Variants in GNA14 observed in about 807,000 individuals in gnomAD.
GNA14 encodes the protein guanine nucleotide-binding protein subunit alpha-14.
GNA14 carries 50 observed loss-of-function variants against 42.0 expected under a neutral mutation model. The ratio of observed to expected loss-of-function variants is 1.19; its 90% CI spans 0.95 to 1.51. The LOEUF is 1.51. Among genes scored for constraint, GNA14 ranks in the 40% most tolerant of loss-of-function variants. The pLI is 0.00. For synonymous variants in GNA14, 173 were observed against 163.1 expected, an observed-to-expected ratio of 1.06 and a Z score of -0.46; for missense variants, 473 against 446.2, an observed-to-expected ratio of 1.06 and a Z score of -0.54.
At position 77,458,904 on chromosome 9, in the gene GNA14, A is replaced by AGGG. The variant is rs138020529; in HGVS notation, c.310-24385_310-24383dup. The stretch of plus-strand genomic sequence containing the variant: ...CTAAGCTCCTTTTATCACAAGCTGG[A>AGGG]GGGGGGGGGGTTGTCCTCTTCTCCC... On this transcript the variant is annotated intron_variant, in intron 2 of 6. Coordinates refer to ENST00000341700, the MANE Select transcript of GNA14 (RefSeq NM_004297.4). Among the ~76,000 whole-genome samples the AGGG allele has an allele frequency of 3.5e-3, 474 of 134,446 alleles. 3 individuals are homozygous for AGGG. Among genetic ancestry groups the AGGG allele is most frequent in the African/African-American group, 0.01 (371 of 36,762 alleles). 88.2% of individuals were successfully genotyped at this position (134,446 alleles called of 152,430 possible).
chr9:77,544,671 C>CA (rs397959672), intron 1 of GNA14, among the ~76,000 whole-genome samples: 8,110 of 57,822 alleles, frequency 0.14, 901 homozygotes, highest in African/African-American at 0.35. Context: ...CACTGCATCT[C>CA]AAAAAAAAAA....
At chr9:77,427,339 AAT>A (rs1239843509) in intron 5 of GNA14, among the ~76,000 whole-genome samples, 5 of 145,876 alleles carry the variant, frequency 3.4e-5, no homozygotes, top group African/African-American at 1.0e-4. Flanking sequence ...AAAAAAAAAA[AAT>A]CTCCAACTGA....
At chr9:77,620,282 T>C (rs1302966278) in intron 1 of GNA14, among the ~76,000 whole-genome samples, 8 of 152,218 alleles carry the variant, frequency 5.3e-5, no homozygotes, top group Admixed American at 1.3e-4. Flanking sequence ...AAGGTCACCA[T>C]GCACATTAGA....
At chr9:77,532,253 C>A (rs1837540260) in intron 1 of GNA14, among the ~76,000 whole-genome samples, 3 of 152,170 alleles carry the variant, frequency 2.0e-5, no homozygotes, top group African/African-American at 7.2e-5. Flanking sequence ...CAGGATAGCA[C>A]CCCTAGTTAT....
rs750607381 is a variant in GNA14 at position 77,424,171 on chromosome 9, T to C, written c.878-2A>G. ...CAGCTCTGACATCCTGTTTCGGTCC[T>C]AGTCACAAGTGCAATTACAGGAATA... On this transcript the variant is annotated splice_acceptor_variant, in intron 6 of 6. Transcript: ENST00000341700. LOFTEE classifies it high-confidence loss of function. The C allele has an allele frequency of 1.3e-6, 2 of 1,597,656 alleles. No individual in the cohort carries two copies. Among genetic ancestry groups the C allele is most frequent in the Non-Finnish European group, 1.7e-6 (2 of 1,169,732 alleles).
At chr9:77,642,284 C>T (rs1329671585) in intron 1 of GNA14, among the ~76,000 whole-genome samples, 4 of 152,108 alleles carry the variant, frequency 2.6e-5, no homozygotes, top group Non-Finnish European at 5.9e-5. Context: ...CTTGAAAGGC[C>T]TCAGGAACTG....
intron 2 of GNA14, among the ~76,000 whole-genome samples, chr9:77,457,836 C>T (rs900836595): frequency 6.6e-5 from 10 of 152,114 alleles, no homozygotes; most frequent in African/African-American, 2.4e-4. Context: ...AAAAGGTCCT[C>T]CTTGGCTCAC....
Position 77,647,718 on chromosome 9 carries a change from G to T in GNA14, c.76C>A (p.Arg26Ser). The T allele has an allele frequency of 1.9e-6, 3 of 1,610,288 alleles. No individual in the cohort carries two copies. The highest frequency in any genetic ancestry group is 2.5e-6 in the Non-Finnish European group (3 of 1,178,664). ...RISAEIERQLRRDKKDARREL... is the reference protein window; with the variant it reads ...RISAEIERQLSRDKKDARREL... ...CGGCGCGCGTCCTTCTTGTCCCGACGAAGCTGTCGCTCGATCTCCGCGCTG... is the reference window on the plus strand; with the variant it reads ...CGGCGCGCGTCCTTCTTGTCCCGACTAAGCTGTCGCTCGATCTCCGCGCTG... The change falls in exon 1 of 7, where the codon CGT (arginine) becomes AGT (serine). Residue 26 changes from arginine to serine, a missense_variant. Transcript: ENST00000341700.
At chr9:77,636,066 T>C (rs1238559005) in intron 1 of GNA14, among the ~76,000 whole-genome samples, 2 of 152,236 alleles carry the variant, frequency 1.3e-5, no homozygotes, top group Admixed American at 6.5e-5. Context: ...AGACTACTAA[T>C]GGCTTACCAC....
At chr9:77,640,181 T>C (rs1485414606) in intron 1 of GNA14, among the ~76,000 whole-genome samples, 2 of 152,134 alleles carry the variant, frequency 1.3e-5, no homozygotes, top group Non-Finnish European at 2.9e-5. Context: ...GTGCCTTGAG[T>C]CCCCTAACCC....
intron 1 of GNA14, among the ~76,000 whole-genome samples, chr9:77,553,274 G>T (rs1205576704): frequency 6.6e-6 from 1 of 152,098 alleles, no homozygotes; most frequent in African/African-American, 2.4e-5. Flanking sequence ...AGAGAGTAAG[G>T]GAAGGAATGT....
At chr9:77,557,323 C>A (rs1822800570) in intron 1 of GNA14, among the ~76,000 whole-genome samples, 1 of 152,178 alleles carries the variant, frequency 6.6e-6, no homozygotes, top group Admixed American at 6.5e-5. Context: ...TTGCCAGAGC[C>A]AGACACATAT....
intron 1 of GNA14, among the ~76,000 whole-genome samples, chr9:77,635,664 G>A (rs1824173167): frequency 1.3e-5 from 2 of 152,138 alleles, no homozygotes; most frequent in African/African-American, 4.8e-5. Flanking sequence ...GCATTGATGT[G>A]TATATTTACT....
intron 1 of GNA14, among the ~76,000 whole-genome samples, chr9:77,577,616 G>A (rs1823148907): frequency 6.6e-6 from 1 of 152,150 alleles, no homozygotes; most frequent in Admixed American, 6.5e-5. Flanking sequence ...TCAACACATG[G>A]AGAATCATTT....
intron 2 of GNA14, among the ~76,000 whole-genome samples, chr9:77,489,032 TAGAG>T (rs920712913): frequency 3.3e-5 from 5 of 151,982 alleles, no homozygotes; most frequent in African/African-American, 1.2e-4. Context: ...TCTAAGATAA[TAGAG>T]AAGCAATTCA....
chr9:77,589,408 T>A (rs1190418637), intron 1 of GNA14, among the ~76,000 whole-genome samples: 2 of 152,228 alleles, frequency 1.3e-5, no homozygotes, highest in Non-Finnish European at 2.9e-5. Context: ...TTGTTTTGTT[T>A]TTTTGTTTGT....
intron 2 of GNA14, among the ~76,000 whole-genome samples, chr9:77,514,758 C>A (rs1448227539): frequency 6.6e-6 from 1 of 151,882 alleles, no homozygotes; most frequent in Non-Finnish European, 1.5e-5. Flanking sequence ...GGACTACAGG[C>A]GTCTGCCACC....
At position 77,448,133 on chromosome 9, in the gene GNA14, G is replaced by C. The variant is rs554788852; in HGVS notation, c.310-13611C>G. Among the ~76,000 whole-genome samples the C allele has an allele frequency of 4.9e-4, 74 of 152,302 alleles. 1 individual carries two copies. The highest frequency in any genetic ancestry group is 1.5e-5 in the Non-Finnish European group (1 of 68,028). ...ACAGCTATGCCTTGTGATATGATCT[G>C]CCTGCTTTCAAACCTGCAACAGCAG... On this transcript the variant is annotated intron_variant, in intron 2 of 6. Transcript: ENST00000341700.
chr9:77,441,653 C>T (rs1158923073), intron 2 of GNA14, among the ~76,000 whole-genome samples: 4 of 152,058 alleles, frequency 2.6e-5, no homozygotes, highest in Admixed American at 6.5e-5. Flanking sequence ...TTTGTAAAAG[C>T]ACCCCTCTAT....
Sources: gnomAD v4.1 joint callset for allele counts (sites outside exome capture counted in the v4.1 genomes callset) on GRCh38, gnomAD v4.1.1 for gene constraint, MANE v1.5 for transcripts, NCBI Gene and HGNC (gene_info 2026-07-23, HGNC 2026-07-21) for gene names.